Variants in HSPB8 observed in about 807,000 individuals in gnomAD.
The protein encoded by HSPB8 is heat shock protein family B (small) member 8.
In HSPB8, 9 loss-of-function variants were observed where a neutral mutation model predicts 16.5. That is an observed-to-expected ratio of 0.55 (90% CI 0.33 to 0.95). The LOEUF is 0.95. Ranked by LOEUF, HSPB8 falls within the 40% of genes least tolerant of loss-of-function variation. The pLI is 0.03. For missense variants in HSPB8, 238 were observed against 251.2 expected (o/e 0.95, Z 0.35); for synonymous variants, 99 against 94.8 (o/e 1.04, Z -0.26).
rs201594365 is a variant in HSPB8, at chr12:119,179,287, G to A, written c.-26G>A. On this transcript the variant is annotated 5_prime_UTR_variant, in exon 1 of 3. Coordinates refer to ENST00000281938, the MANE Select transcript of HSPB8 (RefSeq NM_014365.3). ...GGTGGTTCTGTCTCTCTGAGCCTCT[G>A]TTTCTCTCTGAGCTGAGCAGCCACC... 6.2e-7 allele frequency: 1 copy of A among 1,612,324 alleles called. No homozygotes were observed. The highest frequency in any genetic ancestry group is 2.2e-5 in the East Asian group (1 of 44,872).
chr12:119,179,420 C>T lies in HSPB8; in HGVS notation c.108C>T (p.Gly36=), dbSNP rs770823712. The change falls in exon 1 of 3, where the codon GGC becomes GGT. Residue 36 remains glycine, a synonymous_variant. Coordinates refer to ENST00000281938, the MANE Select transcript of HSPB8 (RefSeq NM_014365.3). ...CTCGCCTGCTGGATGATGGCTTTGG[C>T]ATGGACCCCTTCCCAGACGACTTGA... ...LSSRLLDDGF[G]MDPFPDDLTA... 2 of 1,614,124 alleles carry T rather than the reference C, an allele frequency of 1.2e-6. No homozygotes were observed. Among genetic ancestry groups the T allele is most frequent in the South Asian group, 2.2e-5 (2 of 91,088 alleles).
intron 1 of HSPB8, among the ~76,000 whole-genome samples, chr12:119,184,976 C>T (rs1004866900): frequency 6.6e-6 from 1 of 152,100 alleles, no homozygotes; most frequent in Non-Finnish European, 1.5e-5. Context: ...AAACATAATG[C>T]AGAGAACTAT....
chr12:119,181,796 A>G (rs916750345), intron 1 of HSPB8, among the ~76,000 whole-genome samples: 3 of 152,208 alleles, frequency 2.0e-5, no homozygotes, highest in African/African-American at 4.8e-5. Context: ...TATTTGCAGA[A>G]TGGAGACCAT....
At chr12:119,192,610 C>T (rs535545899) in intron 2 of HSPB8, among the ~76,000 whole-genome samples, 10 of 152,054 alleles carry the variant, frequency 6.6e-5, no homozygotes, top group South Asian at 6.3e-4. Context: ...GAACCAAGAT[C>T]GCGCCACTGA....
Position 119,194,727 on chromosome 12 carries a change from T to G in HSPB8, c.*869T>G, listed in dbSNP as rs1954735181. 1 of 376,562 alleles carries G rather than the reference T, an allele frequency of 2.7e-6. No homozygotes were observed. Among genetic ancestry groups the G allele is most frequent in the East Asian group, 4.2e-5 (1 of 24,056 alleles). The allele number at this position is 376,562 out of a possible 1,614,324, so 23.3% of individuals were successfully genotyped here. ...TAATTAATAATAATAATAATAATAATAAAGGAGCTGACGTTCTTAGCCTTG... is the reference window on the plus strand; with the variant it reads ...TAATTAATAATAATAATAATAATAAGAAAGGAGCTGACGTTCTTAGCCTTG... On this transcript the variant is annotated 3_prime_UTR_variant, in exon 3 of 3. Transcript: ENST00000281938.
intron 1 of HSPB8, among the ~76,000 whole-genome samples, chr12:119,180,635 A>G (rs867966843): frequency 1.3e-5 from 2 of 152,152 alleles, no homozygotes; most frequent in African/African-American, 4.8e-5. Context: ...CCACCCTGGG[A>G]GAAATAAACA....
chr12:119,184,297 T>C (rs1379620880), intron 1 of HSPB8, among the ~76,000 whole-genome samples: 1 of 152,246 alleles, frequency 6.6e-6, no homozygotes, highest in African/African-American at 2.4e-5. Flanking sequence ...TTAAAGGAGT[T>C]GATACAGATA....
rs568712454 is a variant in HSPB8, at chr12:119,190,814, A to G, written c.432-2885A>G. On this transcript the variant is annotated intron_variant, in intron 2 of 2. Transcript: ENST00000281938. Reference sequence around the variant, plus strand: ...AGGGCCTCAGCTCTCTCATTGTTAAAAAGGGAAGGTAGCAAGTGATAGAGG... The same window carrying G: ...AGGGCCTCAGCTCTCTCATTGTTAAGAAGGGAAGGTAGCAAGTGATAGAGG... Among the ~76,000 whole-genome samples, 3 of 152,354 alleles carry G rather than the reference A, an allele frequency of 2.0e-5. No individual in the cohort carries two copies. In the South Asian group the frequency reaches 6.2e-4, roughly 32 times the overall value.
rs1954728727 is a variant in HSPB8, at chr12:119,193,924, T to C, written c.*66T>C. ...AGGGCTTCTCTGATTCCAGGATACA[T>C]TACTTTAGCTGAACTCAGATTTAGT... On this transcript the variant is annotated 3_prime_UTR_variant, in exon 3 of 3. Transcript: ENST00000281938. 1 of 1,542,944 alleles carries C rather than the reference T, an allele frequency of 6.5e-7. No individual in the cohort carries two copies. Among genetic ancestry groups the C allele is most frequent in the Non-Finnish European group, 9.0e-7 (1 of 1,116,854 alleles).
At chr12:119,193,572 T>A (rs935945998) in intron 2 of HSPB8, 127 bp from the exon 3 acceptor site, 1 of 1,006,028 alleles carries the variant, frequency 9.9e-7, no homozygotes, top group African/African-American at 1.6e-5. Flanking sequence ...AGAGCCAGGA[T>A]TCAAACCCAA....
Position 119,187,554 on chromosome 12 carries a change from C to T in HSPB8, c.431+466C>T, listed in dbSNP as rs992041415. ...TATTTGTTTAGTAGAGATGGGGTTTCGCCATGTTGCCCACACTGGTCTTGA... is the reference window on the plus strand; with the variant it reads ...TATTTGTTTAGTAGAGATGGGGTTTTGCCATGTTGCCCACACTGGTCTTGA... On this transcript the variant is annotated intron_variant, in intron 2 of 2. Coordinates refer to ENST00000281938, the MANE Select transcript of HSPB8 (RefSeq NM_014365.3). Among the ~76,000 whole-genome samples, 10 of 152,192 alleles carry T rather than the reference C, an allele frequency of 6.6e-5. 1 individual carries two copies. Among genetic ancestry groups the T allele is most frequent in the South Asian group, 6.2e-4 (3 of 4,812 alleles).
chr12:119,193,711 G>A lies in HSPB8; in HGVS notation c.444G>A (p.Glu148=), dbSNP rs773660512. The A allele has an allele frequency of 1.2e-6, 2 of 1,614,208 alleles. No individual in the cohort carries two copies. Among genetic ancestry groups the A allele is most frequent in the Non-Finnish European group, 1.7e-6 (2 of 1,180,026 alleles). Residue 148 remains glutamate, a synonymous_variant, in exon 3 of 3, where the codon GAG becomes GAA. Coordinates refer to ENST00000281938, the MANE Select transcript of HSPB8 (RefSeq NM_014365.3). Reference sequence around the variant, plus strand: ...GTGTTTCTCCTAGGCTTCCTGCAGAGGTGGATCCTGTGACAGTATTTGCCT... The same window carrying A: ...GTGTTTCTCCTAGGCTTCCTGCAGAAGTGGATCCTGTGACAGTATTTGCCT... ...NFTKKIQLPA[E]VDPVTVFASL...
Position 119,179,572 on chromosome 12 carries a change from C to T in HSPB8, c.260C>T (p.Thr87Ile), listed in dbSNP as rs1294621759. Residue 87 changes from threonine (T) to isoleucine (I), a missense_variant, in exon 1 of 3, where the codon ACC (threonine) becomes ATC (isoleucine). By Grantham distance (89) the Thr-to-Ile change is moderately conservative (BLOSUM62 -1). Coordinates refer to ENST00000281938, the MANE Select transcript of HSPB8 (RefSeq NM_014365.3). ...ARFGVPAEGRTPPPFPGEPWK... is the reference protein window; with the variant it reads ...ARFGVPAEGRIPPPFPGEPWK... Reference sequence around the variant, plus strand: ...TTTGGGGTGCCTGCCGAGGGCAGGACCCCCCCACCCTTCCCTGGGGAGCCC... The same window carrying T: ...TTTGGGGTGCCTGCCGAGGGCAGGATCCCCCCACCCTTCCCTGGGGAGCCC... The T allele has an allele frequency of 5.6e-6, 9 of 1,612,002 alleles. No homozygotes were observed. The highest frequency in any genetic ancestry group is 1.1e-5 in the South Asian group (1 of 90,952).
chr12:119,184,969 C>T (rs1954665393), intron 1 of HSPB8, among the ~76,000 whole-genome samples: 1 of 152,144 alleles, frequency 6.6e-6, no homozygotes. Flanking sequence ...AAGTTCCAAA[C>T]ATAATGCAGA....
intron 1 of HSPB8, among the ~76,000 whole-genome samples, chr12:119,181,208 C>T (rs923732963): frequency 1.5e-4 from 23 of 152,174 alleles, no homozygotes; most frequent in African/African-American, 5.5e-4. Context: ...GTTGAGGACA[C>T]TCCCATGACA....
rs1165254891 is a variant in HSPB8 at position 119,194,178 on chromosome 12, C to T, written c.*320C>T. 2.6e-6 allele frequency: 1 copy of T among 381,276 alleles called. No homozygotes were observed. The highest frequency in any genetic ancestry group is 5.0e-6 in the Non-Finnish European group (1 of 201,802). The allele number at this position is 381,276 out of a possible 1,614,324, so 23.6% of individuals were successfully genotyped here. A position where few individuals can be genotyped will look rare whatever the true frequency, so the allele number is the denominator to read the frequency against. ...ACTTAACATTTCACGTTGTATCTTA[C>T]TTGCAGTGAATGCAAGGGTTACTTT... On this transcript the variant is annotated 3_prime_UTR_variant, in exon 3 of 3. Transcript: ENST00000281938.
Position 119,185,125 on chromosome 12 carries a change from C to CT in HSPB8, c.368-1890dup, listed in dbSNP as rs111440883. Among the ~76,000 whole-genome samples, 315 of 146,284 alleles carry CT rather than the reference C, an allele frequency of 2.2e-3. 2 individuals carry two copies. Among genetic ancestry groups the CT allele is most frequent in the African/African-American group, 6.2e-3 (248 of 39,916 alleles). On this transcript the variant is annotated intron_variant, in intron 1 of 2. Coordinates refer to ENST00000281938, the MANE Select transcript of HSPB8 (RefSeq NM_014365.3). Reference sequence around the variant, plus strand: ...ACAGGATTATAAGTAGTTTTGATGGCTTTTTTTTTTAATTTTTTCTTTTGT... The same window carrying CT: ...ACAGGATTATAAGTAGTTTTGATGGCTTTTTTTTTTTAATTTTTTCTTTTGT...
rs1209893201 is a variant in HSPB8, at chr12:119,189,327, G to GTGTGTT, written c.431+2244_431+2245insTTGTGT. ...GGTGTGTGTGTGTGTGTGTGTGTGT[G>GTGTGTT]TGTGTGTGTGTGTGTATTTCACATG... is the stretch of plus-strand genomic sequence containing the variant. On this transcript the variant is annotated intron_variant, in intron 2 of 2. Coordinates refer to ENST00000281938, the MANE Select transcript of HSPB8 (RefSeq NM_014365.3). Among the ~76,000 whole-genome samples, 8 of 151,660 alleles carry GTGTGTT rather than the reference G, an allele frequency of 5.3e-5. 1 individual carries two copies. The highest frequency in any genetic ancestry group is 1.9e-4 in the African/African-American group (8 of 41,268).
intron 1 of HSPB8, among the ~76,000 whole-genome samples, chr12:119,182,648 A>T (rs914083708): frequency 1.2e-3 from 188 of 152,098 alleles, no homozygotes; most frequent in Non-Finnish European, 2.4e-3. Flanking sequence ...CAAAAAAAAT[A>T]AAAAATAAAA....
Sources: allele counts gnomAD v4.1 joint callset (sites outside exome capture counted in the v4.1 genomes callset), GRCh38; gene constraint gnomAD v4.1.1; transcripts MANE v1.5; gene names NCBI Gene and HGNC (gene_info 2026-07-23, HGNC 2026-07-21).